Variants in NETO1 observed in about 807,000 individuals in gnomAD.
NETO1 encodes the protein neuropilin and tolloid like 1.
In NETO1, 26 loss-of-function variants were observed where a neutral mutation model predicts 61.3. The ratio of observed to expected loss-of-function variants is 0.42; its 90% confidence interval spans 0.31 to 0.59. NETO1 has a LOEUF of 0.59. Ranked by LOEUF, NETO1 falls within the 20% of genes least tolerant of loss-of-function variation. NETO1 has a pLI of 0.12. For synonymous variants in NETO1, 225 were observed against 225.8 expected, an observed-to-expected ratio of 1.00 and a Z score of 0.03; for missense variants, 531 against 662.8, an observed-to-expected ratio of 0.80 and a Z score of 2.18.
intron 7 of NETO1, among the ~76,000 whole-genome samples, chr18:72,758,863 A>G (rs2070875068): frequency 6.6e-6 from 1 of 152,070 alleles, no homozygotes; most frequent in East Asian, 1.9e-4. Context: ...ACAAAAACAA[A>G]CAAACAAAAA....
intron 4 of NETO1, among the ~76,000 whole-genome samples, chr18:72,847,674 T>C (rs1448906210): frequency 1.3e-5 from 2 of 152,312 alleles, no homozygotes; most frequent in African/African-American, 4.8e-5. Flanking sequence ...TAGATATAGA[T>C]TTTTAATCTA....
rs111418121 is a variant in NETO1, at chr18:72,827,731, A to AG, written c.469+31094_469+31095insC. On this transcript the variant is annotated intron_variant, in intron 4 of 10. Transcript: ENST00000327305. ...GACCCTGTCTCAAAAAAAAAAAAAA[A>AG]AAAAAAGAAAGGGGAAAAAAGGATT... 6.3e-3 allele frequency among the ~76,000 whole-genome samples: 932 copies of AG among 148,560 alleles called. 11 individuals are homozygous for AG. The highest frequency in any genetic ancestry group is 0.018 in the African/African-American group (733 of 40,366).
chr18:72,752,182 C>T (rs1292117657), intron 8 of NETO1: 2 of 152,126 alleles, frequency 1.3e-5, no homozygotes, highest in African/African-American at 4.8e-5. Context: ...TGAGAGTCCT[C>T]CTGGGTTATA....
chr18:72,842,046 A>G (rs2073950516), intron 4 of NETO1, among the ~76,000 whole-genome samples: 1 of 96,966 alleles, frequency 1.0e-5, no homozygotes, highest in South Asian at 4.4e-4. Context: ...TGTATACAGA[A>G]GTTTCCTGAG....
intron 4 of NETO1, among the ~76,000 whole-genome samples, chr18:72,796,756 G>A (rs771913193): frequency 7.9e-5 from 12 of 151,714 alleles, no homozygotes; most frequent in Non-Finnish European, 1.3e-4. Context: ...GAGCCACCGC[G>A]CCCGGCCGAA....
intron 4 of NETO1, among the ~76,000 whole-genome samples, chr18:72,832,780 A>C (rs1374588649): frequency 6.6e-6 from 1 of 152,190 alleles, no homozygotes; most frequent in Non-Finnish European, 1.5e-5. Context: ...CAAACTTTAT[A>C]GTGTTGAGGT....
chr18:72,773,279 T>C (rs987367415), intron 7 of NETO1, among the ~76,000 whole-genome samples: 3 of 152,038 alleles, frequency 2.0e-5, no homozygotes, highest in Admixed American at 2.0e-4. Context: ...CCTGATTAGG[T>C]CAGGTCAACC....
chr18:72,831,036 T>A (rs1326179241), intron 4 of NETO1, among the ~76,000 whole-genome samples: 9 of 152,094 alleles, frequency 5.9e-5, no homozygotes, highest in Middle Eastern at 3.2e-3. Context: ...AAGACCCCCT[T>A]ACCCCACTAC....
At chr18:72,818,390 T>A (rs1253622087) in intron 4 of NETO1, among the ~76,000 whole-genome samples, 1 of 152,224 alleles carries the variant, frequency 6.6e-6, no homozygotes, top group Admixed American at 6.5e-5. Context: ...CAGGCTTTCC[T>A]ATATTTAAGA....
chr18:72,812,068 AT>A, intron 4 of NETO1, among the ~76,000 whole-genome samples: 1 of 152,346 alleles, frequency 6.6e-6, no homozygotes, highest in East Asian at 1.9e-4. Context: ...TAACATCTTC[AT>A]TGAGGAACAA....
In NETO1 at chr18:72,867,371, C is replaced by G; in HGVS notation, c.-80G>C. 2 of 1,248,806 alleles carry G rather than the reference C, an allele frequency of 1.6e-6. No homozygotes were observed. The highest frequency in any genetic ancestry group is 2.8e-5 in the East Asian group (1 of 35,324). The allele number at this position is 1,248,806 out of a possible 1,614,324, so 77.4% of individuals were successfully genotyped here. On this transcript the variant is annotated 5_prime_UTR_variant, in exon 1 of 11. Coordinates refer to ENST00000327305, the MANE Select transcript of NETO1 (RefSeq NM_138966.5). Reference sequence around the variant, plus strand: ...AAGACTTCCAGTGGCGGGGGGAGGACAGGGTCGAGAGGTGTTAAAGACGCA... The same window carrying G: ...AAGACTTCCAGTGGCGGGGGGAGGAGAGGGTCGAGAGGTGTTAAAGACGCA...
chr18:72,831,682 T>C (rs2073583512), intron 4 of NETO1, among the ~76,000 whole-genome samples: 1 of 152,216 alleles, frequency 6.6e-6, no homozygotes, highest in Admixed American at 6.5e-5. Flanking sequence ...AGTTTCATTG[T>C]TTCAAGACTA....
At chr18:72,788,493 A>G (rs1476416613) in intron 6 of NETO1, among the ~76,000 whole-genome samples, 1 of 152,136 alleles carries the variant, frequency 6.6e-6, no homozygotes, top group African/African-American at 2.4e-5. Flanking sequence ...ATCTTGTACC[A>G]CAATAATACT....
intron 4 of NETO1, among the ~76,000 whole-genome samples, chr18:72,808,859 CA>C (rs1386379244): frequency 3.9e-5 from 6 of 152,202 alleles, no homozygotes; most frequent in Non-Finnish European, 8.8e-5. Flanking sequence ...CAGTGGGACA[CA>C]TGGCAAGTGG....
At chr18:72,791,397 T>C (rs1429561256) in intron 6 of NETO1, among the ~76,000 whole-genome samples, 2 of 152,160 alleles carry the variant, frequency 1.3e-5, no homozygotes, top group East Asian at 3.9e-4. Flanking sequence ...AGGAACTCTA[T>C]AAAAATAGAA....
At chr18:72,822,595 C>T (rs1049463040) in intron 4 of NETO1, among the ~76,000 whole-genome samples, 35 of 152,162 alleles carry the variant, frequency 2.3e-4, no homozygotes, top group East Asian at 1.9e-4. Flanking sequence ...CAAGCAAAAT[C>T]GTGAGCTCAG....
intron 7 of NETO1, among the ~76,000 whole-genome samples, chr18:72,771,693 C>T (rs2071356726): frequency 6.6e-6 from 1 of 152,078 alleles, no homozygotes; most frequent in African/African-American, 2.4e-5. Flanking sequence ...ATCTCCTGAA[C>T]TACCGAAAGT....
intron 1 of NETO1, chr18:72,867,019 G>A (rs2074757951): frequency 2.2e-6 from 1 of 461,218 alleles, no homozygotes; most frequent in Non-Finnish European, 3.8e-6. Flanking sequence ...CCCCCGGGGG[G>A]TTCCTGCGCA....
At chr18:72,801,565 G>A (rs1397789651) in intron 4 of NETO1, among the ~76,000 whole-genome samples, 2 of 152,042 alleles carry the variant, frequency 1.3e-5, no homozygotes, top group Non-Finnish European at 2.9e-5. Context: ...TTTGTTCTCC[G>A]TGATTTTACT....
Sources: allele counts gnomAD v4.1 joint callset (sites outside exome capture counted in the v4.1 genomes callset), GRCh38; gene constraint gnomAD v4.1.1; transcripts MANE v1.5; gene names NCBI Gene and HGNC (gene_info 2026-07-23, HGNC 2026-07-21).